RBFOX1: variants seen among roughly 807,000 people sequenced by gnomAD.
RBFOX1 encodes RNA binding fox-1 homolog 1.
Under a neutral mutation model 57.7 loss-of-function variants are expected in RBFOX1, and 8 were observed. That is an observed-to-expected ratio of 0.14 (90% CI 0.08 to 0.25). RBFOX1 has a LOEUF of 0.25. Among genes scored for constraint, RBFOX1 ranks in the 10% least tolerant of loss-of-function variants. The pLI is 1.00. For synonymous variants in RBFOX1, 326 were observed against 222.4 expected, an observed-to-expected ratio of 1.47 and a Z score of -4.15; for missense variants, 611 against 548.5, an observed-to-expected ratio of 1.11 and a Z score of -1.14.
chr16:6,839,092 C>G (rs766243076), intron 3 of RBFOX1, among the ~76,000 whole-genome samples: 3 of 151,866 alleles, frequency 2.0e-5, no homozygotes, highest in East Asian at 1.9e-4. Flanking sequence ...TCAAGTGATT[C>G]TCCCGCCTCA....
chr16:6,076,904 A>G (rs1472330870), intron 1 of RBFOX1, among the ~76,000 whole-genome samples: 1 of 152,192 alleles, frequency 6.6e-6, no homozygotes, highest in Non-Finnish European at 1.5e-5. Context: ...AGGTGGGAAC[A>G]TGGAAGCCAA....
At chr16:7,371,005 T>G (rs905048019) in intron 4 of RBFOX1, among the ~76,000 whole-genome samples, 2 of 152,162 alleles carry the variant, frequency 1.3e-5, no homozygotes, top group Non-Finnish European at 2.9e-5. Flanking sequence ...GACAGGTATT[T>G]TATTGGGATG....
At chr16:5,467,053 G>A (rs1315928886) in intron 1 of RBFOX1, among the ~76,000 whole-genome samples, 1 of 152,140 alleles carries the variant, frequency 6.6e-6, no homozygotes, top group African/African-American at 2.4e-5. Flanking sequence ...GCCTACAACA[G>A]AGCCTGACAC....
At chr16:6,848,628 G>T (rs902407906) in intron 3 of RBFOX1, among the ~76,000 whole-genome samples, 1 of 152,006 alleles carries the variant, frequency 6.6e-6, no homozygotes, top group South Asian at 2.1e-4. Context: ...TGTGTAGAGA[G>T]AGATGATGGA....
intron 2 of RBFOX1, among the ~76,000 whole-genome samples, chr16:6,501,926 G>A (rs1328950891): frequency 6.6e-6 from 1 of 152,182 alleles, no homozygotes; most frequent in Non-Finnish European, 1.5e-5. Flanking sequence ...CCTTGCAAGT[G>A]CTGAGGAGAT....
At chr16:6,481,419 C>G (rs2095369388) in intron 2 of RBFOX1, among the ~76,000 whole-genome samples, 3 of 152,348 alleles carry the variant, frequency 2.0e-5, no homozygotes, top group South Asian at 4.1e-4. Flanking sequence ...GCCACATGTG[C>G]TGAGAACACG....
chr16:6,680,294 T>TTTTTTTTGTTTTTTG (rs60731674), intron 3 of RBFOX1, among the ~76,000 whole-genome samples: 1 of 103,056 alleles, frequency 9.7e-6, no homozygotes, highest in Non-Finnish European at 1.9e-5. Flanking sequence ...TTTTTTTTTT[T>TTTTTTTTGTTTTTTG]ATTTGTCGCC....
intron 4 of RBFOX1, among the ~76,000 whole-genome samples, chr16:7,356,088 A>G (rs962974615): frequency 1.3e-5 from 2 of 152,250 alleles, no homozygotes; most frequent in Non-Finnish European, 2.9e-5. Context: ...TGGTGCTCCA[A>G]TGCATTGATT....
At chr16:5,627,408 G>C (rs1420994230) in intron 3 of RBFOX1, among the ~76,000 whole-genome samples, 1 of 151,744 alleles carries the variant, frequency 6.6e-6, no homozygotes, top group East Asian at 1.9e-4. Context: ...TTTAACCATA[G>C]TGATCTTGGG....
chr16:6,897,664 G>A (rs909796882), intron 3 of RBFOX1, among the ~76,000 whole-genome samples: 9 of 151,782 alleles, frequency 5.9e-5, no homozygotes, highest in East Asian at 2.0e-4. Flanking sequence ...TTGGTGGCAC[G>A]TGTCTGTAAT....
intron 1 of RBFOX1, among the ~76,000 whole-genome samples, chr16:5,244,860 C>T (rs1322357382): frequency 1.3e-5 from 2 of 152,226 alleles, no homozygotes; most frequent in African/African-American, 4.8e-5. Flanking sequence ...ACACACTGGA[C>T]ATTTCAAGCC....
Position 6,644,592 on chromosome 16 carries a change from G to A in RBFOX1, c.-63-10011G>A, listed in dbSNP as rs191416049. Among the ~76,000 whole-genome samples the A allele has an allele frequency of 8.0e-4, 122 of 152,306 alleles. 1 individual carries two copies. The highest frequency in any genetic ancestry group is 7.4e-5 in the Non-Finnish European group (5 of 68,024). On this transcript the variant is annotated intron_variant, in intron 2 of 15. Coordinates refer to ENST00000550418, the MANE Select transcript of RBFOX1 (RefSeq NM_018723.4). ...TGGGACTTTGTATTTGAGTCCAGGA[G>A]AACAATGCTGTGCCCAGGATATGTG...
intron 3 of RBFOX1, among the ~76,000 whole-genome samples, chr16:6,895,242 C>G (rs1004547781): frequency 3.3e-5 from 5 of 151,318 alleles, no homozygotes; most frequent in African/African-American, 9.7e-5. Context: ...AATGTATATC[C>G]CAAATGTATA....
chr16:6,094,641 T>A (rs149507289), intron 1 of RBFOX1, among the ~76,000 whole-genome samples: 1 of 152,360 alleles, frequency 6.6e-6, no homozygotes, highest in African/African-American at 2.4e-5. Context: ...TATTCCAAGT[T>A]CTCCAGTGCT....
chr16:6,743,494 C>T (rs549306146), intron 3 of RBFOX1, among the ~76,000 whole-genome samples: 1 of 152,272 alleles, frequency 6.6e-6, no homozygotes, highest in East Asian at 1.9e-4. Flanking sequence ...GTAGTCCCAG[C>T]ACTTTGGGAG....
chr16:7,185,877 C>G (rs1304988991), intron 4 of RBFOX1, among the ~76,000 whole-genome samples: 1 of 152,118 alleles, frequency 6.6e-6, no homozygotes, highest in East Asian at 1.9e-4. Context: ...TAGATAACAA[C>G]AAACCCAACC....
intron 4 of RBFOX1, among the ~76,000 whole-genome samples, chr16:7,187,718 AAAAAAAAGG>A (rs2084276217): frequency 7.2e-6 from 1 of 139,070 alleles, no homozygotes; most frequent in Non-Finnish European, 1.5e-5. Flanking sequence ...AAAAAAAAAA[AAAAAAAAGG>A]AAAAGAAAAG....
chr16:6,680,741 T>C (rs778209379), intron 3 of RBFOX1, among the ~76,000 whole-genome samples: 5 of 152,252 alleles, frequency 3.3e-5, no homozygotes, highest in African/African-American at 4.8e-5. Context: ...TACATGTTTG[T>C]GTTTTATCTT....
At chr16:7,086,721 T>TACACACACACACACACACACACACACAG (rs71280731) in intron 4 of RBFOX1, among the ~76,000 whole-genome samples, 3 of 149,476 alleles carry the variant, frequency 2.0e-5, no homozygotes, top group Admixed American at 6.7e-5. Context: ...GAAGAATGTA[T>TACACACACACACACACACACACACACAG]ACACACACAC....
Sources: gnomAD v4.1 joint callset for allele counts (sites outside exome capture counted in the v4.1 genomes callset) on GRCh38, gnomAD v4.1.1 for gene constraint, MANE v1.5 for transcripts, NCBI Gene and HGNC (gene_info 2026-07-23, HGNC 2026-07-21) for gene names.